ERN1: variants seen among roughly 807,000 people sequenced by gnomAD.
ERN1 encodes endoplasmic reticulum to nucleus signaling 1, also known as serine/threonine-protein kinase/endoribonuclease IRE1.
A neutral mutation model predicts 113.1 loss-of-function variants in ERN1; 39 were observed. The ratio of observed to expected loss-of-function variants is 0.34; its 90% CI spans 0.27 to 0.45. The LOEUF (loss-of-function observed/expected upper bound fraction) is 0.45, where lower values mean the gene tolerates loss of function less well. ERN1 is among the 20% of genes least tolerant of loss of function. The probability of loss-of-function intolerance (pLI) is 1.00; values close to 1 mark genes in which losing one functional copy is unlikely to be tolerated. For synonymous variants in ERN1, 507 were observed against 515.9 expected (o/e 0.98, Z 0.23); for missense variants, 976 against 1,274.8 (o/e 0.77, Z 3.57).
At chr17:64,108,123 C>T (rs960661920) in intron 1 of ERN1, among the ~76,000 whole-genome samples, 5 of 151,860 alleles carry the variant, frequency 3.3e-5, no homozygotes, top group East Asian at 3.9e-4. Flanking sequence ...GCAAGTCTGC[C>T]GTATGGTGTA....
At chr17:64,062,393 C>T (rs1420818935) in intron 10 of ERN1, among the ~76,000 whole-genome samples, 2 of 152,240 alleles carry the variant, frequency 1.3e-5, no homozygotes, top group African/African-American at 4.8e-5. Flanking sequence ...AGGGCATATC[C>T]TTTTACTTGT....
Position 64,130,032 on chromosome 17 carries a change from C to A in ERN1, c.-3G>T. The A allele has an allele frequency of 2.8e-6, 4 of 1,422,728 alleles. No individual in the cohort carries two copies. The highest frequency in any genetic ancestry group is 3.7e-6 in the Non-Finnish European group (4 of 1,095,378). 88.1% of individuals were successfully genotyped at this position (1,422,728 alleles called of 1,614,324 possible). A position where few individuals can be genotyped will look rare whatever the true frequency, so the allele number is the denominator to read the frequency against. On this transcript the variant is annotated 5_prime_UTR_variant, in exon 1 of 22. Coordinates refer to ENST00000433197, the MANE Select transcript of ERN1 (RefSeq NM_001433.5). This position sits in a 1 kb window ranked among gnomAD's most constrained non-coding sequence, Gnocchi z 4.0. The stretch of plus-strand genomic sequence containing the variant: ...AGCAGCAGCCGCCGGGCCGGCATGG[C>A]GAGGACTCGGCCCTGGCTCCGGGGG...
intron 10 of ERN1, among the ~76,000 whole-genome samples, chr17:64,060,866 G>A (rs747641474): frequency 6.6e-6 from 1 of 152,158 alleles, no homozygotes; most frequent in Non-Finnish European, 1.5e-5. Flanking sequence ...GGCACCAGAC[G>A]CAAGGCTCGT....
At chr17:64,129,805 C>T in intron 1 of ERN1, 171 bp downstream of exon 1, 1 of 522,902 alleles carries the variant, frequency 1.9e-6, no homozygotes, top group Non-Finnish European at 2.9e-6. Context: ...TCTCCCGGCC[C>T]GGTGCCGCCT....
intron 19 of ERN1, among the ~76,000 whole-genome samples, chr17:64,046,091 G>T (rs1912505124): frequency 6.6e-6 from 1 of 152,220 alleles, no homozygotes; most frequent in Non-Finnish European, 1.5e-5. Context: ...GCCTCTTGAA[G>T]TCCCACCAGT....
chr17:64,068,094 G>C (rs1056618482), intron 7 of ERN1, 96 bp downstream of exon 7: 5 of 807,190 alleles, frequency 6.2e-6, no homozygotes, highest in African/African-American at 3.5e-5. Context: ...GTGACAAAGA[G>C]TATCTTAAAA....
chr17:64,068,438 T>G (rs187488675), intron 6 of ERN1, 147 bp from the exon 7 acceptor site: 3 of 633,374 alleles, frequency 4.7e-6, no homozygotes, highest in East Asian at 2.8e-5. Flanking sequence ...AGAAAGGCAA[T>G]GTGAGGAGAA....
chr17:64,069,207 G>C (rs1043131151), intron 6 of ERN1, among the ~76,000 whole-genome samples: 2 of 152,168 alleles, frequency 1.3e-5, no homozygotes, highest in Admixed American at 6.5e-5. Flanking sequence ...CATCAAGGGA[G>C]TTCTAAAAAC....
Position 64,129,979 on chromosome 17 carries a change from G to T in ERN1, c.51C>A (p.Leu17=). 1.4e-6 allele frequency: 2 copies of T among 1,449,296 alleles called. No individual in the cohort carries two copies. The highest frequency in any genetic ancestry group is 1.8e-6 in the Non-Finnish European group (2 of 1,106,672). The allele number at this position is 1,449,296 out of a possible 1,614,324, so 89.8% of individuals were successfully genotyped here. A position where few individuals can be genotyped will look rare whatever the true frequency, so the allele number is the denominator to read the frequency against. ...LLLLTLLLPG[L]GIFGSTSTVT... ...CCCACGCTCCCCGGTCACTCACCCC[G>T]AGGCCGGGCAGCAGCAGCGTCAGCA... Residue 17 remains leucine (L), a synonymous_variant, in exon 1 of 22, where the codon CTC becomes CTA. Transcript: ENST00000433197.
chr17:64,099,297 G>A (rs778190088), intron 1 of ERN1, among the ~76,000 whole-genome samples: 1 of 149,474 alleles, frequency 6.7e-6, no homozygotes, highest in Non-Finnish European at 1.5e-5. Context: ...TTGTCTGCCT[G>A]TCTTCTGGCT....
chr17:64,128,554 C>T (rs1915143519), intron 1 of ERN1, among the ~76,000 whole-genome samples: 1 of 152,118 alleles, frequency 6.6e-6, no homozygotes, highest in Admixed American at 6.5e-5. Flanking sequence ...GCAAAGGAAA[C>T]CATTATACAC....
chr17:64,048,705 G>A (rs1475400635), intron 18 of ERN1, among the ~76,000 whole-genome samples: 3 of 152,092 alleles, frequency 2.0e-5, no homozygotes, highest in African/African-American at 7.2e-5. Flanking sequence ...CAAGAGAGAA[G>A]ACAATTTGTC....
intron 18 of ERN1, 80 bp downstream of exon 18, chr17:64,048,975 A>C (rs1276132861): frequency 7.2e-7 from 1 of 1,385,166 alleles, no homozygotes. Flanking sequence ...GTGAGTGCAA[A>C]GGTGGCACCA....
chr17:64,109,813 GC>G (rs1316052714), intron 1 of ERN1, among the ~76,000 whole-genome samples: 1 of 152,128 alleles, frequency 6.6e-6, no homozygotes, highest in African/African-American at 2.4e-5. Context: ...TAGCCCTTTT[GC>G]CCACTATGCC....
intron 1 of ERN1, among the ~76,000 whole-genome samples, chr17:64,117,471 A>G (rs146593114): frequency 1.1e-3 from 170 of 152,272 alleles, no homozygotes; most frequent in African/African-American, 3.8e-3. Context: ...AGAAAAAGAA[A>G]AGAAAAAAGA....
intron 1 of ERN1, among the ~76,000 whole-genome samples, chr17:64,121,084 C>G (rs1914942608): frequency 6.6e-6 from 1 of 152,152 alleles, no homozygotes; most frequent in South Asian, 2.1e-4. Flanking sequence ...CTTCCTTCCC[C>G]CCTTGCTCCT....
rs1912429451 is a variant in ERN1, at chr17:64,044,111, G to C, written c.2811C>G (p.Phe937Leu). 1 of 1,612,222 alleles carries C rather than the reference G, an allele frequency of 6.2e-7. No individual in the cohort carries two copies. Among genetic ancestry groups the C allele is most frequent in the Non-Finnish European group, 8.5e-7 (1 of 1,178,968 alleles). The change falls in exon 22 of 22, where the codon TTC (phenylalanine) becomes TTG (leucine). Residue 937 changes from phenylalanine (F) to leucine (L), a missense_variant. By Grantham distance (22) the Phe-to-Leu change is conservative. Coordinates refer to ENST00000433197, the MANE Select transcript of ERN1 (RefSeq NM_001433.5). This position sits in a 1 kb window ranked among gnomAD's most constrained non-coding sequence, Gnocchi z 4.1. ...GGTAGGTGTGTGCGAGGAGGTGGGG[G>C]AAGCGAGATGTGAAGTAGCACACGA... Reference protein sequence around the residue: ...DDFVCYFTSRFPHLLAHTYRA... With the variant: ...DDFVCYFTSRLPHLLAHTYRA...
intron 1 of ERN1, among the ~76,000 whole-genome samples, chr17:64,121,931 TAG>T (rs1914966032): frequency 1.3e-5 from 2 of 152,190 alleles, no homozygotes; most frequent in Admixed American, 6.5e-5. Context: ...CAACAAAGGG[TAG>T]AAGGCCATGA....
At chr17:64,088,878 G>A (rs1054097992) in intron 2 of ERN1, among the ~76,000 whole-genome samples, 3 of 152,164 alleles carry the variant, frequency 2.0e-5, no homozygotes, top group Non-Finnish European at 4.4e-5. Flanking sequence ...GACAGAGGAC[G>A]CAGGCTCAGT....
Sources: allele counts gnomAD v4.1 joint callset (sites outside exome capture counted in the v4.1 genomes callset), GRCh38; gene constraint gnomAD v4.1.1; non-coding constraint Gnocchi (gnomAD v3.1); transcripts MANE v1.5; gene names NCBI Gene and HGNC (gene_info 2026-07-23, HGNC 2026-07-21).